The following CTR9 variants were observed in gnomAD, a reference collection of about 807,000 sequenced individuals.
The protein encoded by CTR9 is RNA polymerase-associated protein CTR9 homolog.
A neutral mutation model predicts 152.1 loss-of-function variants in CTR9; 41 were observed. The ratio of observed to expected loss-of-function variants is 0.27; its 90% CI spans 0.21 to 0.35. The LOEUF (loss-of-function observed/expected upper bound fraction) is 0.35, where lower values mean the gene tolerates loss of function less well. Ranked by LOEUF, CTR9 falls within the 10% of genes least tolerant of loss-of-function variation. CTR9 has a pLI of 1.00. For synonymous variants in CTR9, 476 were observed against 496.2 expected, an observed-to-expected ratio of 0.96 and a Z score of 0.54; for missense variants, 917 against 1,424.4, an observed-to-expected ratio of 0.64 and a Z score of 5.73.
At chr11:10,769,869 CTT>C (rs1442521965) in intron 16 of CTR9, among the ~76,000 whole-genome samples, 1 of 152,196 alleles carries the variant, frequency 6.6e-6, no homozygotes, top group Non-Finnish European at 1.5e-5. Context: ...CGGTGTATGA[CTT>C]CTCATCAGTG....
chr11:10,765,172 A>T (rs1863040635), intron 12 of CTR9, among the ~76,000 whole-genome samples: 1 of 152,190 alleles, frequency 6.6e-6, no homozygotes, highest in Non-Finnish European at 1.5e-5. Flanking sequence ...AAAATAAGGA[A>T]AGTTTTTAAT....
Position 10,778,955 on chromosome 11 carries a change from T to A in CTR9, c.3372T>A (p.Ala1124=), listed in dbSNP as rs745471910. Residue 1124 remains alanine, a synonymous_variant, in exon 25 of 25, where the codon GCT becomes GCA. Transcript: ENST00000361367. The part of the protein sequence containing the change: ...SGVSENDSRP[A]SPSAESDHES... ...TTTCTGAGAACGACTCTCGCCCAGC[T>A]TCTCCAAGTGCCGAATCAGATCACG... is the stretch of plus-strand genomic sequence containing the variant. The A allele has an allele frequency of 6.2e-7, 1 of 1,614,142 alleles. No individual in the cohort carries two copies. The highest frequency in any genetic ancestry group is 1.1e-5 in the South Asian group (1 of 91,072).
intron 4 of CTR9, among the ~76,000 whole-genome samples, chr11:10,756,361 G>A (rs1862883873): frequency 6.6e-6 from 1 of 152,098 alleles, no homozygotes; most frequent in South Asian, 2.1e-4. Flanking sequence ...TAGGTATTAA[G>A]CCTAGTACCT....
chr11:10,752,585 A>G (rs113769029), intron 1 of CTR9, 87 bp from the exon 2 acceptor site: 5 of 884,632 alleles, frequency 5.7e-6, no homozygotes, highest in East Asian at 2.4e-5. Flanking sequence ...ATGTATATGC[A>G]TGTTGATTAT....
chr11:10,768,558 T>A, intron 16 of CTR9, 67 bp downstream of exon 16: 2 of 1,494,564 alleles, frequency 1.3e-6, no homozygotes, highest in Non-Finnish European at 1.8e-6. Context: ...TTCTTAGCCA[T>A]TCTGGCCCTG....
At chr11:10,773,043 T>A in intron 20 of CTR9, 84 bp from the exon 21 acceptor site, 4 of 1,425,772 alleles carry the variant, frequency 2.8e-6, no homozygotes, top group Non-Finnish European at 3.8e-6. Flanking sequence ...AAAAAAAAAA[T>A]CCTCTGCTTA....
chr11:10,756,946 G>C, intron 5 of CTR9, 108 bp downstream of exon 5: 1 of 841,098 alleles, frequency 1.2e-6, no homozygotes, highest in South Asian at 1.6e-5. Flanking sequence ...TTGGATTATA[G>C]AAATGTCAGA....
chr11:10,760,116 G>A lies in CTR9; in HGVS notation c.593-57G>A, dbSNP rs982749455. On this transcript the variant is annotated intron_variant, in intron 5 of 24. Transcript: ENST00000361367. ...AAATAGAGAATGTTTAAGCATTTTTGTAATTGAACTCTAAAAAATGCCCTA... is the reference window on the plus strand; with the variant it reads ...AAATAGAGAATGTTTAAGCATTTTTATAATTGAACTCTAAAAAATGCCCTA... 4.4e-6 allele frequency: 7 copies of A among 1,580,716 alleles called. No homozygotes were observed. The African/African-American group carries it at 8.1e-5, about 18-fold the overall frequency.
rs765158381 is a variant in CTR9 at position 10,763,422 on chromosome 11, T to C, written c.850-9T>C. ...AATTCACTCAGTTGACTTTCTGATC[T>C]TTGTTCAGGATTATAGTAAAGTCCA... On this transcript the variant is annotated splice_polypyrimidine_tract_variant and intron_variant, in intron 7 of 24. Transcript: ENST00000361367. 6.3e-7 allele frequency: 1 copy of C among 1,590,464 alleles called. No homozygotes were observed. Among genetic ancestry groups the C allele is most frequent in the Non-Finnish European group, 8.6e-7 (1 of 1,160,826 alleles).
chr11:10,764,682 A>C lies in CTR9; in HGVS notation c.1548A>C (p.Ala516=), dbSNP rs372933952. The change falls in exon 12 of 25, where the codon GCA becomes GCC. Residue 516 remains alanine (A), a synonymous_variant. Transcript: ENST00000361367. Reference sequence around the variant, plus strand: ...AGGCGATGTGTGAATTCCATGAAGCAGAAAAACTGTATAAAAACATCTTAC... The same window carrying C: ...AGGCGATGTGTGAATTCCATGAAGCCGAAAAACTGTATAAAAACATCTTAC... ...LYEAMCEFHE[A]EKLYKNILRE... The C allele has an allele frequency of 1.2e-6, 2 of 1,612,194 alleles. No homozygotes were observed. The highest frequency in any genetic ancestry group is 1.3e-5 in the African/African-American group (1 of 74,914).
chr11:10,751,454 C>T lies in CTR9; in HGVS notation c.42C>T (p.Asp14=). The part of the protein sequence containing the change: ...GSIEIPLRDT[D]EVIELDFDQL... The stretch of plus-strand genomic sequence containing the variant: ...TCGAGATTCCCCTCCGGGACACTGA[C>T]GAGGTAAGTGTCGTGTATGGAGGCG... The change falls in exon 1 of 25, where the codon GAC becomes GAT. Residue 14 remains aspartate, a synonymous_variant. Coordinates refer to ENST00000361367, the MANE Select transcript of CTR9 (RefSeq NM_014633.5). 1.2e-6 allele frequency: 2 copies of T among 1,613,862 alleles called. No homozygotes were observed. The highest frequency in any genetic ancestry group is 1.7e-6 in the Non-Finnish European group (2 of 1,180,006).
chr11:10,767,816 A>C lies in CTR9; in HGVS notation c.1697A>C (p.Asp566Ala). The C allele has an allele frequency of 6.2e-7, 1 of 1,614,062 alleles. No homozygotes were observed. The highest frequency in any genetic ancestry group is 8.5e-7 in the Non-Finnish European group (1 of 1,179,978). ...EALQINQDHPDAWSLIGNLHL... is the reference protein window; with the variant it reads ...EALQINQDHPAAWSLIGNLHL... ...GTATGTATGTTTCAGGATCATCCAG[A>C]TGCTTGGTCTTTGATTGGCAATCTT... Residue 566 changes from aspartate (D) to alanine (A), a missense_variant, in exon 14 of 25, where the codon GAT (aspartate) becomes GCT (alanine). This residue lies in a region of CTR9 where 87 missense variants were observed against 235.7 expected (regional missense o/e 0.37). Transcript: ENST00000361367. The surrounding 1 kb of genome is among the most constrained non-coding windows in gnomAD (Gnocchi z 4.0).
chr11:10,773,772 C>T (rs1370159020), intron 21 of CTR9, among the ~76,000 whole-genome samples: 2 of 151,354 alleles, frequency 1.3e-5, no homozygotes, highest in East Asian at 1.9e-4. Flanking sequence ...GTAGTCCCAG[C>T]TACTTGGGAG....
At chr11:10,776,315 T>C (rs932915560) in intron 24 of CTR9, among the ~76,000 whole-genome samples, 2 of 152,142 alleles carry the variant, frequency 1.3e-5, no homozygotes, top group Non-Finnish European at 2.9e-5. Context: ...TTGACTGTTT[T>C]CTCCCCCGTT....
intron 9 of CTR9, 100 bp from the exon 10 acceptor site, chr11:10,764,012 A>C: frequency 7.3e-7 from 1 of 1,370,646 alleles, no homozygotes; most frequent in Non-Finnish European, 1.0e-6. Flanking sequence ...AGTTTAGATA[A>C]CAAACAATGG....
At chr11:10,772,754 T>C in intron 20 of CTR9, 99 bp downstream of exon 20, 1 of 1,233,864 alleles carries the variant, frequency 8.1e-7, no homozygotes, top group Non-Finnish European at 1.1e-6. Context: ...GCGTGGTGGC[T>C]GACACCTCTA....
rs765859153 is a variant in CTR9 at position 10,771,626 on chromosome 11, C to A, written c.2444+10C>A. 4 of 1,601,558 alleles carry A rather than the reference C, an allele frequency of 2.5e-6. No homozygotes were observed. The highest frequency in any genetic ancestry group is 2.2e-5 in the East Asian group (1 of 44,784). On this transcript the variant is annotated intron_variant, in intron 19 of 24. Transcript: ENST00000361367. ...CTGCTACAGAAGCCAGGTAATGTTACTATTTATGGAAGGTGACTTTGGGTG... is the reference window on the plus strand; with the variant it reads ...CTGCTACAGAAGCCAGGTAATGTTAATATTTATGGAAGGTGACTTTGGGTG...
rs539252358 is a variant in CTR9 at position 10,770,734 on chromosome 11, A to G, written c.2372+102A>G. 111 of 1,100,256 alleles carry G rather than the reference A, an allele frequency of 1.0e-4. No homozygotes were observed. The African/African-American group carries it at 1.0e-3, about 10-fold the overall frequency. The allele number at this position is 1,100,256 out of a possible 1,614,324, so 68.2% of individuals were successfully genotyped here. On this transcript the variant is annotated intron_variant, in intron 18 of 24. Coordinates refer to ENST00000361367, the MANE Select transcript of CTR9 (RefSeq NM_014633.5). The stretch of plus-strand genomic sequence containing the variant: ...TGTCTGAAATGCTTTGTTTAAAGCT[A>G]TTTGTCTCAAGCTGCTGAAAATCAC...
chr11:10,764,666 G>A lies in CTR9; in HGVS notation c.1532G>A (p.Cys511Tyr), dbSNP rs150057656. 66 of 1,612,882 alleles carry A rather than the reference G, an allele frequency of 4.1e-5. No homozygotes were observed. Among genetic ancestry groups the A allele is most frequent in the Non-Finnish European group, 5.3e-5 (63 of 1,179,090 alleles). Reference sequence around the variant, plus strand: ...CTCGCCAGGCTATATGAGGCGATGTGTGAATTCCATGAAGCAGAAAAACTG... The same window carrying A: ...CTCGCCAGGCTATATGAGGCGATGTATGAATTCCATGAAGCAGAAAAACTG... ...YNLARLYEAM[C>Y]EFHEAEKLYK... The change falls in exon 12 of 25, where the codon TGT becomes TAT. Residue 511 changes from cysteine (C) to tyrosine (Y), a missense_variant. Cys to Tyr is a radical substitution (Grantham distance 194). Coordinates refer to ENST00000361367, the MANE Select transcript of CTR9 (RefSeq NM_014633.5).
Sources: gnomAD v4.1 joint callset for allele counts (sites outside exome capture counted in the v4.1 genomes callset) on GRCh38, gnomAD v4.1.1 for gene constraint, gnomAD v4.1.1 regional missense constraint, Gnocchi (gnomAD v3.1) non-coding constraint, MANE v1.5 for transcripts, NCBI Gene and HGNC (gene_info 2026-07-23, HGNC 2026-07-21) for gene names.